PDXK: variants seen among roughly 807,000 people sequenced by gnomAD.
PDXK encodes epididymis secretory sperm binding protein Li 1a.
PDXK carries 15 observed loss-of-function variants against 43.2 expected under a neutral mutation model. The observed-to-expected ratio is 0.35, with a 90% CI of 0.23 to 0.53. The LOEUF (loss-of-function observed/expected upper bound fraction) is 0.53. Ranked by LOEUF, PDXK falls within the 20% of genes least tolerant of loss-of-function variation. PDXK has a pLI of 0.92. For synonymous variants in PDXK, 172 were observed against 165.4 expected, an observed-to-expected ratio of 1.04 and a Z score of -0.31; for missense variants, 343 against 417.0, an observed-to-expected ratio of 0.82 and a Z score of 1.54.
intron 2 of PDXK, among the ~76,000 whole-genome samples, chr21:43,740,259 G>A (rs148971534): frequency 0.01 from 1,525 of 152,232 alleles, 38 homozygotes; most frequent in South Asian, 0.019. Flanking sequence ...GGGAGCCAGC[G>A]ACTGGTACGC....
intron 3 of PDXK, among the ~76,000 whole-genome samples, chr21:43,743,228 G>A (rs55650053): frequency 2.8e-4 from 14 of 50,726 alleles, no homozygotes; most frequent in Non-Finnish European, 3.7e-4. Flanking sequence ...CCCCAGCACT[G>A]TGGGGACACC....
Position 43,760,961 on chromosome 21 carries a change from T to C in PDXK, c.*4898T>C, listed in dbSNP as rs2083924237. ...CAATCGGCGTCTAAAACCACGTTCC[T>C]GCCTTTCATTGCAACACGGTGTGTT... On this transcript the variant is annotated 3_prime_UTR_variant, in exon 11 of 11. Coordinates refer to ENST00000291565, the MANE Select transcript of PDXK (RefSeq NM_003681.5). 1 of 152,392 alleles carries C rather than the reference T, an allele frequency of 6.6e-6. No individual in the cohort carries two copies. Among genetic ancestry groups the C allele is most frequent in the Non-Finnish European group, 1.5e-5 (1 of 68,040 alleles). The allele number at this position is 152,392 out of a possible 1,614,324, so 9.4% of individuals were successfully genotyped here. A position where few individuals can be genotyped will look rare whatever the true frequency, so the allele number is the denominator to read the frequency against.
chr21:43,756,119 TG>T lies in PDXK; in HGVS notation c.*57del. Reference sequence around the variant, plus strand: ...GCGTTGGTGTCTCCGTGTTTGTCCCTGTGAAAACATGTAACGTCTGCCTTAG... The same window carrying T: ...GCGTTGGTGTCTCCGTGTTTGTCCCTTGAAAACATGTAACGTCTGCCTTAG... On this transcript the variant is annotated 3_prime_UTR_variant, in exon 11 of 11. Transcript: ENST00000291565. 1 of 993,366 alleles carries T rather than the reference TG, an allele frequency of 1.0e-6. No homozygotes were observed. Among genetic ancestry groups the T allele is most frequent in the Non-Finnish European group, 1.6e-6 (1 of 638,330 alleles). 61.5% of individuals were successfully genotyped at this position (993,366 alleles called of 1,614,324 possible).
intron 1 of PDXK, among the ~76,000 whole-genome samples, chr21:43,722,711 GTC>G (rs1193220246): frequency 1.3e-5 from 2 of 152,276 alleles, no homozygotes; most frequent in East Asian, 3.9e-4. Flanking sequence ...TCCAGTCTCT[GTC>G]TCTGTCCTCA....
rs1479409333 is a variant in PDXK at position 43,757,964 on chromosome 21, C to T, written c.*1901C>T. On this transcript the variant is annotated 3_prime_UTR_variant, in exon 11 of 11. Transcript: ENST00000291565. ...CTGGGGCGTGTGCCACATTGCCAGCCACCAGGAAAGCTTTTCTTTTTCTTT... is the reference window on the plus strand; with the variant it reads ...CTGGGGCGTGTGCCACATTGCCAGCTACCAGGAAAGCTTTTCTTTTTCTTT... 1 of 152,112 alleles carries T rather than the reference C, an allele frequency of 6.6e-6. No homozygotes were observed. Among genetic ancestry groups the T allele is most frequent in the African/African-American group, 2.4e-5 (1 of 41,372 alleles). The allele number at this position is 152,112 out of a possible 1,614,324, so 9.4% of individuals were successfully genotyped here. A position where few individuals can be genotyped will look rare whatever the true frequency, so the allele number is the denominator to read the frequency against.
rs2083367926 is a variant in PDXK, at chr21:43,734,230, GCTTT to G, written c.142+109_142+112del. 6.0e-5 allele frequency: 62 copies of G among 1,034,168 alleles called. No individual in the cohort carries two copies. The highest frequency in any genetic ancestry group is 1.2e-4 in the African/African-American group (8 of 64,056). The allele number at this position is 1,034,168 out of a possible 1,614,324, so 64.1% of individuals were successfully genotyped here. ...GCGGAGTGTGGGTGTGAGGGACGGG[GCTTT>G]CGTGTGGACGGGGACCTGGAGTCCT... On this transcript the variant is annotated intron_variant, in intron 2 of 10. Coordinates refer to ENST00000291565, the MANE Select transcript of PDXK (RefSeq NM_003681.5). This position sits in a 1 kb window ranked among gnomAD's most constrained non-coding sequence, Gnocchi z 5.0.
rs755648033 is a variant in PDXK at position 43,746,138 on chromosome 21, A to T, written c.378+13A>T. On this transcript the variant is annotated intron_variant, in intron 5 of 10. Coordinates refer to ENST00000291565, the MANE Select transcript of PDXK (RefSeq NM_003681.5). ...CGAAGGCTCGATGGTGAGTAGTTTC[A>T]CGTGTGTGATTTAAAAGTGTGGTGA... 2.9e-5 allele frequency: 47 copies of T among 1,607,160 alleles called. No homozygotes were observed. The South Asian group carries it at 5.1e-4, about 17-fold the overall frequency.
At chr21:43,719,662 G>A (rs563982830) in intron 1 of PDXK, 1 of 985,460 alleles carries the variant, frequency 1.0e-6, no homozygotes, top group East Asian at 1.1e-4. Context: ...TGGCGCAGCC[G>A]CTCGTCCTCG....
chr21:43,737,523 G>T lies in PDXK; in HGVS notation c.142+3400G>T. On this transcript the variant is annotated intron_variant, in intron 2 of 10. Transcript: ENST00000291565. This position sits in a 1 kb window ranked among gnomAD's most constrained non-coding sequence, Gnocchi z 4.8. ...GAGCCTGCGGAGCTGGAGGTCAGCG[G>T]GTGGACGGGTTGCGCTGTCCTGGCT... is the stretch of plus-strand genomic sequence containing the variant. 1 of 1,028,100 alleles carries T rather than the reference G, an allele frequency of 9.7e-7. No homozygotes were observed. The highest frequency in any genetic ancestry group is 1.2e-6 in the Non-Finnish European group (1 of 854,594). The allele number at this position is 1,028,100 out of a possible 1,614,324, so 63.7% of individuals were successfully genotyped here. A position where few individuals can be genotyped will look rare whatever the true frequency, so the allele number is the denominator to read the frequency against.
rs1431112104 is a variant in PDXK, at chr21:43,757,413, G to GC, written c.*1353dup. 1 of 152,266 alleles carries GC rather than the reference G, an allele frequency of 6.6e-6. No homozygotes were observed. The highest frequency in any genetic ancestry group is 2.4e-5 in the African/African-American group (1 of 41,448). 9.4% of individuals were successfully genotyped at this position (152,266 alleles called of 1,614,324 possible). A position where few individuals can be genotyped will look rare whatever the true frequency, so the allele number is the denominator to read the frequency against. On this transcript the variant is annotated 3_prime_UTR_variant, in exon 11 of 11. Coordinates refer to ENST00000291565, the MANE Select transcript of PDXK (RefSeq NM_003681.5). Reference sequence around the variant, plus strand: ...AAATAGGGAGATGCAGGAAGTGGGGGCCCATGGGGCCCCCAAGAAGCGGAC... The same window carrying GC: ...AAATAGGGAGATGCAGGAAGTGGGGGCCCCATGGGGCCCCCAAGAAGCGGAC...
rs568310267 is a variant in PDXK, at chr21:43,739,094, C to T, written c.143-2573C>T. Reference sequence around the variant, plus strand: ...GACTACAGGCACCCGCAACCACGCCCGGCTAATTTTTTTGTATTTTTAGTA... The same window carrying T: ...GACTACAGGCACCCGCAACCACGCCTGGCTAATTTTTTTGTATTTTTAGTA... On this transcript the variant is annotated intron_variant, in intron 2 of 10. Coordinates refer to ENST00000291565, the MANE Select transcript of PDXK (RefSeq NM_003681.5). 1.3e-4 allele frequency among the ~76,000 whole-genome samples: 20 copies of T among 152,224 alleles called. No individual in the cohort carries two copies. In the South Asian group the frequency reaches 2.1e-3, roughly 16 times the overall value.
chr21:43,734,491 A>T lies in PDXK; in HGVS notation c.142+368A>T, dbSNP rs1224788545. Among the ~76,000 whole-genome samples, 1 of 152,104 alleles carries T rather than the reference A, an allele frequency of 6.6e-6. No homozygotes were observed. The highest frequency in any genetic ancestry group is 1.5e-5 in the Non-Finnish European group (1 of 67,996). On this transcript the variant is annotated intron_variant, in intron 2 of 10. Transcript: ENST00000291565. This position sits in a 1 kb window ranked among gnomAD's most constrained non-coding sequence, Gnocchi z 5.0. ...TACGTCACTTGCATAAAATGCTTGG[A>T]CCAATGCCTGGCTCAGAGCGCAGCC...
At chr21:43,748,227 C>G (rs571791871) in intron 5 of PDXK, 1 of 152,428 alleles carries the variant, frequency 6.6e-6, no homozygotes, top group Non-Finnish European at 1.5e-5. Context: ...CACAGTGGCT[C>G]ACGCCTGTAA....
At position 43,748,994 on chromosome 21, in the gene PDXK, G is replaced by T; in HGVS notation, c.379-1G>T. The T allele has an allele frequency of 6.3e-7, 1 of 1,599,786 alleles. No homozygotes were observed. Among genetic ancestry groups the T allele is most frequent in the Non-Finnish European group, 8.6e-7 (1 of 1,167,258 alleles). The stretch of plus-strand genomic sequence containing the variant: ...CTCCTCCTGTCTCCTTTGTTGGCCA[G>T]TACGTCCCGGAGGACCTCCTTCCCG... On this transcript the variant is annotated splice_acceptor_variant, in intron 5 of 10. Coordinates refer to ENST00000291565, the MANE Select transcript of PDXK (RefSeq NM_003681.5). LOFTEE classifies it high-confidence loss of function.
In PDXK at chr21:43,760,967, T is replaced by C. The variant is rs189832344; in HGVS notation, c.*4904T>C. ...GCGTCTAAAACCACGTTCCTGCCTT[T>C]CATTGCAACACGGTGTGTTCATTTG... On this transcript the variant is annotated 3_prime_UTR_variant, in exon 11 of 11. Coordinates refer to ENST00000291565, the MANE Select transcript of PDXK (RefSeq NM_003681.5). The C allele has an allele frequency of 6.6e-6, 1 of 152,398 alleles. No individual in the cohort carries two copies. The highest frequency in any genetic ancestry group is 6.5e-5 in the Admixed American group (1 of 15,312). 9.4% of individuals were successfully genotyped at this position (152,398 alleles called of 1,614,324 possible). A position where few individuals can be genotyped will look rare whatever the true frequency, so the allele number is the denominator to read the frequency against.
chr21:43,742,837 T>A (rs1033643352), intron 3 of PDXK, among the ~76,000 whole-genome samples: 3 of 152,174 alleles, frequency 2.0e-5, no homozygotes, highest in African/African-American at 7.2e-5. Flanking sequence ...CACTGCACTC[T>A]GGACTAGGGG....
chr21:43,731,991 GC>G, intron 1 of PDXK: 1 of 276,392 alleles, frequency 3.6e-6, no homozygotes, highest in Non-Finnish European at 6.2e-6. Context: ...GTGGGGGCAT[GC>G]GATGAGGAAT....
Position 43,756,895 on chromosome 21 carries a change from C to T in PDXK, c.*832C>T, listed in dbSNP as rs1361095780. 6.6e-6 allele frequency: 1 copy of T among 152,494 alleles called. No individual in the cohort carries two copies. Among genetic ancestry groups the T allele is most frequent in the Admixed American group, 6.5e-5 (1 of 15,290 alleles). The allele number at this position is 152,494 out of a possible 1,614,324, so 9.4% of individuals were successfully genotyped here. On this transcript the variant is annotated 3_prime_UTR_variant, in exon 11 of 11. Transcript: ENST00000291565. ...CGTCAGGTTCCTTGTGGAAGCTCCC[C>T]TCATCCGTGGTGCAGCAGGCTGAGC... is the stretch of plus-strand genomic sequence containing the variant.
chr21:43,738,761 G>T (rs940805216), intron 2 of PDXK: 1 of 152,530 alleles, frequency 6.6e-6, no homozygotes, highest in Non-Finnish European at 1.5e-5. Flanking sequence ...TATTGCTGTA[G>T]ATTACGCCTG....
Sources: allele counts gnomAD v4.1 joint callset (sites outside exome capture counted in the v4.1 genomes callset), GRCh38; gene constraint gnomAD v4.1.1; non-coding constraint Gnocchi (gnomAD v3.1); transcripts MANE v1.5; gene names NCBI Gene and HGNC (gene_info 2026-07-23, HGNC 2026-07-21).